The following RADIL variants were observed in gnomAD, a reference collection of about 807,000 sequenced individuals.
RADIL encodes ras-associating and dilute domain-containing protein.
In RADIL, 99 loss-of-function variants were observed where a neutral mutation model predicts 97.6. That is an observed-to-expected ratio of 1.01 (90% CI 0.86 to 1.20). The LOEUF is 1.20. Among genes scored for constraint, RADIL ranks in the 50% most tolerant of loss-of-function variants. The pLI is 0.00. For synonymous variants in RADIL, 803 were observed against 691.8 expected (o/e 1.16, Z -2.52); for missense variants, 1,765 against 1,498.9 (o/e 1.18, Z -2.93).
intron 2 of RADIL, among the ~76,000 whole-genome samples, chr7:4,870,447 G>C (rs1230336666): frequency 1.3e-5 from 2 of 152,048 alleles, no homozygotes; most frequent in Non-Finnish European, 2.9e-5. Flanking sequence ...GTTTTGTTTT[G>C]TTTTGTTTCT....
intron 2 of RADIL, chr7:4,857,895 T>C (rs1448624623): frequency 6.6e-6 from 1 of 152,544 alleles, no homozygotes; most frequent in Non-Finnish European, 1.5e-5. Context: ...ATTCAGGTAA[T>C]AAAAATTAGA....
intron 5 of RADIL, among the ~76,000 whole-genome samples, chr7:4,827,387 C>T (rs1335904046): frequency 1.4e-4 from 20 of 138,678 alleles, no homozygotes; most frequent in South Asian, 6.9e-4. Context: ...GGGCCGGGTG[C>T]GGTGGCTCAC....
In RADIL at chr7:4,822,575, A is replaced by G; in HGVS notation, c.1455-21T>C. 6.2e-7 allele frequency: 1 copy of G among 1,610,230 alleles called. No homozygotes were observed. The highest frequency in any genetic ancestry group is 1.3e-5 in the African/African-American group (1 of 74,958). ...CCTGGCTACCAAGACAGAAAGACTA[A>G]GAGTTACGCGGGGACCCGACCCTCA... On this transcript the variant is annotated intron_variant, in intron 5 of 14. Coordinates refer to ENST00000399583, the MANE Select transcript of RADIL (RefSeq NM_018059.5). This position sits in a 1 kb window ranked among gnomAD's most constrained non-coding sequence, Gnocchi z 5.3.
intron 2 of RADIL, among the ~76,000 whole-genome samples, chr7:4,856,138 C>G (rs1389094137): frequency 1.3e-5 from 2 of 150,698 alleles, no homozygotes; most frequent in Non-Finnish European, 2.9e-5. Context: ...CTCACCGTCA[C>G]CCAGGCTGGA....
intron 2 of RADIL, among the ~76,000 whole-genome samples, chr7:4,862,269 C>G (rs1784033196): frequency 1.3e-5 from 2 of 152,230 alleles, no homozygotes; most frequent in South Asian, 4.1e-4. Flanking sequence ...GATGTGCATC[C>G]TTTTTGGGGG....
chr7:4,801,168 A>G (rs2115152203), intron 12 of RADIL, among the ~76,000 whole-genome samples: 1 of 152,166 alleles, frequency 6.6e-6, no homozygotes, highest in African/African-American at 2.4e-5. Flanking sequence ...CACCATGCAG[A>G]CACACCCATG....
At position 4,798,471 on chromosome 7, in the gene RADIL, GA is replaced by G. The variant is rs1781978839; in HGVS notation, c.*906del. 1 of 152,356 alleles carries G rather than the reference GA, an allele frequency of 6.6e-6. No individual in the cohort carries two copies. The highest frequency in any genetic ancestry group is 6.5e-5 in the Admixed American group (1 of 15,292). The allele number at this position is 152,356 out of a possible 1,614,324, so 9.4% of individuals were successfully genotyped here. On this transcript the variant is annotated 3_prime_UTR_variant, in exon 15 of 15. Transcript: ENST00000399583. ...GGGCCACCAGTTCCACCACAGCCAG[GA>G]GGGCGCGGAAGCCACCCACACCCAG...
intron 2 of RADIL, chr7:4,861,834 G>GCTCGTCCCCCACCACCGCGACCTT: frequency 1.6e-6 from 2 of 1,268,414 alleles, no homozygotes; most frequent in Non-Finnish European, 2.1e-6. Context: ...CCCCGCCAGG[G>GCTCGTCCCCCACCACCGCGACCTT]CACGTCCCCC....
At chr7:4,812,124 TCCTG>T (rs1782564608) in intron 9 of RADIL, among the ~76,000 whole-genome samples, 1 of 151,644 alleles carries the variant, frequency 6.6e-6, no homozygotes, top group Admixed American at 6.6e-5. Flanking sequence ...CAAGGGATCC[TCCTG>T]CCTTGGCCTC....
intron 2 of RADIL, among the ~76,000 whole-genome samples, chr7:4,876,609 T>C (rs904181569): frequency 2.7e-5 from 4 of 149,936 alleles, no homozygotes; most frequent in Non-Finnish European, 5.9e-5. Context: ...CCAAAATTAT[T>C]TTTTATGACA....
intron 8 of RADIL, among the ~76,000 whole-genome samples, chr7:4,816,025 G>A (rs1457213597): frequency 6.6e-6 from 1 of 152,146 alleles, no homozygotes; most frequent in Admixed American, 6.5e-5. Context: ...AAACCCCGAT[G>A]GGACCCTGGC....
chr7:4,861,444 T>C, intron 2 of RADIL: 1 of 1,614,168 alleles, frequency 6.2e-7, no homozygotes, highest in Non-Finnish European at 8.5e-7. Context: ...TCCACATGAC[T>C]TGGTGCAACG....
chr7:4,877,691 C>G lies in RADIL; in HGVS notation c.449G>C (p.Arg150Pro), dbSNP rs368118356. 5 of 1,614,056 alleles carry G rather than the reference C, an allele frequency of 3.1e-6. No homozygotes were observed. The highest frequency in any genetic ancestry group is 3.4e-6 in the Non-Finnish European group (4 of 1,180,036). ...PLLIQELWKPREGLSRRFELR... is the reference protein window; with the variant it reads ...PLLIQELWKPPEGLSRRFELR... ...CTCAAACCTCCGGGATAAACCTTCT[C>G]GGGGTTTCCATAATTCCTGGATCAA... The change falls in exon 2 of 15, where the codon CGA becomes CCA. Residue 150 changes from arginine (R) to proline (P), a missense_variant. Physicochemically the swap from Arg to Pro is moderately radical, Grantham distance 103. Transcript: ENST00000399583.
intron 14 of RADIL, 62 bp downstream of exon 14, chr7:4,799,568 G>A (rs1305607991): frequency 4.3e-6 from 7 of 1,610,232 alleles, no homozygotes; most frequent in Middle Eastern, 3.3e-4. Flanking sequence ...CTTTACCCCA[G>A]GTCCACTCCC....
At chr7:4,848,370 C>G (rs1218716961) in intron 2 of RADIL, among the ~76,000 whole-genome samples, 2 of 150,638 alleles carry the variant, frequency 1.3e-5, no homozygotes, top group Admixed American at 1.3e-4. Flanking sequence ...AAAAAAAAAC[C>G]CAGCAAAGAC....
In RADIL at chr7:4,817,894, G is replaced by A. The variant is rs1782719994; in HGVS notation, c.1616-543C>T. Reference sequence around the variant, plus strand: ...GGGAGCTGCCCACGGAGTGGTTCCTGCCGTCTGGGTGGGGGCTCTTGTGAA... The same window carrying A: ...GGGAGCTGCCCACGGAGTGGTTCCTACCGTCTGGGTGGGGGCTCTTGTGAA... On this transcript the variant is annotated intron_variant, in intron 6 of 14. Coordinates refer to ENST00000399583, the MANE Select transcript of RADIL (RefSeq NM_018059.5). This position sits in a 1 kb window ranked among gnomAD's most constrained non-coding sequence, Gnocchi z 8.3. 6.6e-6 allele frequency among the ~76,000 whole-genome samples: 1 copy of A among 152,210 alleles called. No homozygotes were observed. Among genetic ancestry groups the A allele is most frequent in the African/African-American group, 2.4e-5 (1 of 41,460 alleles).
At position 4,849,208 on chromosome 7, in the gene RADIL, G is replaced by A. The variant is rs1783650780; in HGVS notation, c.536-12603C>T. On this transcript the variant is annotated intron_variant, in intron 2 of 14. Transcript: ENST00000399583. This position sits in a 1 kb window ranked among gnomAD's most constrained non-coding sequence, Gnocchi z 5.4. ...TCACAGTTGAAAGTGGTTATGGGGA[G>A]TTCAAAACTGGGAAGAAGGAACGGC... 6.6e-6 allele frequency among the ~76,000 whole-genome samples: 1 copy of A among 152,014 alleles called. No homozygotes were observed. The highest frequency in any genetic ancestry group is 1.5e-5 in the Non-Finnish European group (1 of 68,010).
intron 2 of RADIL, among the ~76,000 whole-genome samples, chr7:4,845,443 G>T (rs1296000157): frequency 1.3e-5 from 2 of 152,052 alleles, no homozygotes; most frequent in African/African-American, 4.8e-5. Context: ...GAAAATGAAG[G>T]CATATTCTGA....
chr7:4,871,598 G>C (rs1443335835), intron 2 of RADIL, among the ~76,000 whole-genome samples: 2 of 152,206 alleles, frequency 1.3e-5, no homozygotes, highest in Non-Finnish European at 2.9e-5. Context: ...CACGCCGCCA[G>C]GTGGCCAGGG....
Sources: gnomAD v4.1 joint callset for allele counts (sites outside exome capture counted in the v4.1 genomes callset) on GRCh38, gnomAD v4.1.1 for gene constraint, Gnocchi (gnomAD v3.1) non-coding constraint, MANE v1.5 for transcripts, NCBI Gene and HGNC (gene_info 2026-07-23, HGNC 2026-07-21) for gene names.